The following ADGRB1 variants were observed in gnomAD, a reference collection of about 807,000 sequenced individuals.
ADGRB1 encodes brain-specific angiogenesis inhibitor 1.
Under a neutral mutation model 175.7 loss-of-function variants are expected in ADGRB1, and 36 were observed. The ratio of observed to expected loss-of-function variants is 0.20; its 90% CI spans 0.16 to 0.27. ADGRB1 has a LOEUF of 0.27. Among genes scored for constraint, ADGRB1 ranks in the 10% least tolerant of loss-of-function variants. The pLI is 1.00. For synonymous variants in ADGRB1, 1,054 were observed against 979.4 expected, an observed-to-expected ratio of 1.08 and a Z score of -1.42; for missense variants, 1,731 against 2,255.3, an observed-to-expected ratio of 0.77 and a Z score of 4.71.
chr8:142,492,500 G>A lies in ADGRB1; in HGVS notation c.2675+1685G>A, dbSNP rs116360523. The stretch of plus-strand genomic sequence containing the variant: ...CGCCTCCGAGGGAAGGGGAGGTTTC[G>A]GCAGAGGCCTGGCAAGCACAGCTCT... On this transcript the variant is annotated intron_variant, in intron 17 of 30. Coordinates refer to ENST00000517894, the MANE Select transcript of ADGRB1 (RefSeq NM_001702.3). This position sits in a 1 kb window ranked among gnomAD's most constrained non-coding sequence, Gnocchi z 4.4. Among the ~76,000 whole-genome samples, 1 of 152,184 alleles carries A rather than the reference G, an allele frequency of 6.6e-6. No homozygotes were observed. The highest frequency in any genetic ancestry group is 1.5e-5 in the Non-Finnish European group (1 of 68,038).
chr8:142,527,617 A>G lies in ADGRB1; in HGVS notation c.3398+990A>G, dbSNP rs186799994. Among the ~76,000 whole-genome samples, 1,381 of 152,160 alleles carry G rather than the reference A, an allele frequency of 9.1e-3. 10 individuals are homozygous for G. Among genetic ancestry groups the G allele is most frequent in the Non-Finnish European group, 0.011 (759 of 67,988 alleles). ...TGGCCTGGGAGATGGAGGCTGGAAC[A>G]GGCCTCTCTAAGGCCTTGCCCTACC... is the stretch of plus-strand genomic sequence containing the variant. On this transcript the variant is annotated intron_variant, in intron 24 of 30. Transcript: ENST00000517894.
rs1845476360 is a variant in ADGRB1 at position 142,544,539 on chromosome 8, G to T, written c.*122G>T. On this transcript the variant is annotated 3_prime_UTR_variant, in exon 31 of 31. Transcript: ENST00000517894. ...GCCAGGCCCGCACCCCGGCCTCAGGGCGCTCAGACGGCGGCCAGGCACAGG... is the reference window on the plus strand; with the variant it reads ...GCCAGGCCCGCACCCCGGCCTCAGGTCGCTCAGACGGCGGCCAGGCACAGG... The T allele has an allele frequency of 1.7e-6, 2 of 1,197,112 alleles. No individual in the cohort carries two copies. Among genetic ancestry groups the T allele is most frequent in the East Asian group, 6.4e-5 (2 of 31,110 alleles). The allele number at this position is 1,197,112 out of a possible 1,614,324, so 74.2% of individuals were successfully genotyped here.
chr8:142,456,685 G>A (rs1310535510), intron 1 of ADGRB1, among the ~76,000 whole-genome samples: 3 of 152,214 alleles, frequency 2.0e-5, no homozygotes, highest in South Asian at 2.1e-4. Flanking sequence ...CCTCGGTCTC[G>A]CTCCTCCCAA....
chr8:142,528,860 C>A (rs1362884009), intron 24 of ADGRB1, among the ~76,000 whole-genome samples: 6 of 152,238 alleles, frequency 3.9e-5, no homozygotes, highest in African/African-American at 1.4e-4. Context: ...CAAGGCACCG[C>A]GGGTGCAGGG....
chr8:142,534,072 G>A (rs1282744872), intron 25 of ADGRB1, among the ~76,000 whole-genome samples: 5 of 152,226 alleles, frequency 3.3e-5, no homozygotes, highest in Admixed American at 1.3e-4. Flanking sequence ...CAGAGGGGCT[G>A]TTGAAAAGCA....
chr8:142,520,401 GTTGGTA>G (rs1563735884), intron 19 of ADGRB1, among the ~76,000 whole-genome samples: 3 of 72,788 alleles, frequency 4.1e-5, no homozygotes, highest in Admixed American at 1.4e-4. Context: ...TGATTGTGAT[GTTGGTA>G]ATGGTGATAG....
In ADGRB1 at chr8:142,539,296, C is replaced by T. The variant is rs965592662; in HGVS notation, c.3667-78C>T. On this transcript the variant is annotated intron_variant, in intron 26 of 30. Coordinates refer to ENST00000517894, the MANE Select transcript of ADGRB1 (RefSeq NM_001702.3). ...GGGGCAGCAGGAGCACCGTGGCCCT[C>T]CCGAGCGGTCTGTGCACGCGTGCAC... 3.4e-6 allele frequency: 5 copies of T among 1,462,204 alleles called. No homozygotes were observed. The African/African-American group carries it at 5.6e-5, about 16-fold the overall frequency. 90.6% of individuals were successfully genotyped at this position (1,462,204 alleles called of 1,614,324 possible).
rs981139877 is a variant in ADGRB1 at position 142,468,930 on chromosome 8, G to A, written c.784+3948G>A. Among the ~76,000 whole-genome samples the A allele has an allele frequency of 2.6e-5, 4 of 152,334 alleles. No homozygotes were observed. The East Asian group carries it at 5.8e-4, about 22-fold the overall frequency. Reference sequence around the variant, plus strand: ...AAGCAGGCATTGCCAGTTCCCTGACGTGCCCCCCAACGTGTAGAACAGTAC... The same window carrying A: ...AAGCAGGCATTGCCAGTTCCCTGACATGCCCCCCAACGTGTAGAACAGTAC... On this transcript the variant is annotated intron_variant, in intron 2 of 30. Transcript: ENST00000517894.
At chr8:142,469,686 T>C (rs1840538060) in intron 2 of ADGRB1, among the ~76,000 whole-genome samples, 1 of 151,634 alleles carries the variant, frequency 6.6e-6, no homozygotes, top group South Asian at 2.1e-4. Flanking sequence ...TGAATGTGTG[T>C]GAATGTGTGC....
rs1845478504 is a variant in ADGRB1 at position 142,544,570 on chromosome 8, C to T, written c.*153C>T. ...AGACGGCGGCCAGGCACAGGGCCCGCAGTGCTGGGACCAGAGCCAGATGCA... is the reference window on the plus strand; with the variant it reads ...AGACGGCGGCCAGGCACAGGGCCCGTAGTGCTGGGACCAGAGCCAGATGCA... On this transcript the variant is annotated 3_prime_UTR_variant, in exon 31 of 31. Transcript: ENST00000517894. 1 of 917,640 alleles carries T rather than the reference C, an allele frequency of 1.1e-6. No homozygotes were observed. The highest frequency in any genetic ancestry group is 1.8e-5 in the African/African-American group (1 of 56,024). The allele number at this position is 917,640 out of a possible 1,614,324, so 56.8% of individuals were successfully genotyped here. A position where few individuals can be genotyped will look rare whatever the true frequency, so the allele number is the denominator to read the frequency against.
chr8:142,475,433 C>T, intron 2 of ADGRB1, 41 bp from the exon 3 acceptor site: 1 of 1,267,894 alleles, frequency 7.9e-7, no homozygotes, highest in Non-Finnish European at 9.9e-7. Flanking sequence ...GGCCACGAGC[C>T]CCTGCCCTGC....
chr8:142,528,556 C>T (rs772718055), intron 24 of ADGRB1, among the ~76,000 whole-genome samples: 32 of 152,048 alleles, frequency 2.1e-4, no homozygotes, highest in African/African-American at 7.5e-4. Flanking sequence ...CAGCCGTCCC[C>T]GCACCCCCTC....
At chr8:142,489,500 C>A in intron 16 of ADGRB1, 62 bp downstream of exon 16, 1 of 1,541,936 alleles carries the variant, frequency 6.5e-7, no homozygotes, top group Non-Finnish European at 8.9e-7. Flanking sequence ...GAATTCTGTC[C>A]CACTCCTCAG....
At position 142,543,732 on chromosome 8, in the gene ADGRB1, G is replaced by A. The variant is rs1845424644; in HGVS notation, c.4557+24G>A. The stretch of plus-strand genomic sequence containing the variant: ...AGGTCTGGAGGGCAGGGAGGGGCGG[G>A]GTGGGGAGAGCCCTTAGGTCAGGCC... On this transcript the variant is annotated intron_variant, in intron 30 of 30. Coordinates refer to ENST00000517894, the MANE Select transcript of ADGRB1 (RefSeq NM_001702.3). The surrounding 1 kb of genome is among the most constrained non-coding windows in gnomAD (Gnocchi z 4.4). 2.6e-6 allele frequency: 4 copies of A among 1,534,138 alleles called. No individual in the cohort carries two copies. The highest frequency in any genetic ancestry group is 1.4e-5 in the African/African-American group (1 of 72,512).
At chr8:142,498,403 C>T (rs1842327312) in intron 17 of ADGRB1, among the ~76,000 whole-genome samples, 1 of 152,266 alleles carries the variant, frequency 6.6e-6, no homozygotes, top group Admixed American at 6.5e-5. Flanking sequence ...TTGGCTCACA[C>T]ACTCAGGCTG....
intron 1 of ADGRB1, among the ~76,000 whole-genome samples, chr8:142,456,749 C>T (rs13251081): frequency 0.33 from 49,902 of 152,248 alleles, 10,330 homozygotes; most frequent in African/African-American, 0.58. Flanking sequence ...ACCATAACAC[C>T]GCGGCCTGCC....
intron 6 of ADGRB1, 145 bp from the exon 7 acceptor site, chr8:142,478,042 G>A (rs544617507): frequency 2.4e-5 from 26 of 1,075,868 alleles, no homozygotes; most frequent in Admixed American, 4.5e-5. Flanking sequence ...CAGGCTGGCC[G>A]TGGGTGGTGG....
chr8:142,513,660 G>T (rs1465669393), intron 18 of ADGRB1, among the ~76,000 whole-genome samples: 2 of 152,174 alleles, frequency 1.3e-5, no homozygotes, highest in Non-Finnish European at 2.9e-5. Context: ...TGGGCTCTGG[G>T]TGCATGGCCA....
At chr8:142,499,831 G>A (rs555776826) in intron 17 of ADGRB1, among the ~76,000 whole-genome samples, 4 of 152,326 alleles carry the variant, frequency 2.6e-5, no homozygotes, top group East Asian at 3.9e-4. Flanking sequence ...GCTCGGTGCC[G>A]GGCCTTCTGC....
Sources: allele counts gnomAD v4.1 joint callset (sites outside exome capture counted in the v4.1 genomes callset), GRCh38; gene constraint gnomAD v4.1.1; non-coding constraint Gnocchi (gnomAD v3.1); transcripts MANE v1.5; gene names NCBI Gene and HGNC (gene_info 2026-07-23, HGNC 2026-07-21).